The following TASP1 variants were observed in gnomAD, a reference collection of about 807,000 sequenced individuals.
The protein encoded by TASP1 is taspase 1.
Under a neutral mutation model 56.6 loss-of-function variants are expected in TASP1, and 16 were observed. The observed-to-expected ratio is 0.28, with a 90% CI of 0.19 to 0.43. TASP1 has a LOEUF of 0.43. TASP1 is among the 20% of genes least tolerant of loss of function. TASP1 has a pLI of 1.00. For synonymous variants in TASP1, 179 were observed against 184.2 expected (o/e 0.97, Z 0.23); for missense variants, 393 against 511.6 (o/e 0.77, Z 2.24).
At chr20:13,591,876 A>T (rs1378664832) in intron 4 of TASP1, among the ~76,000 whole-genome samples, 2 of 152,180 alleles carry the variant, frequency 1.3e-5, no homozygotes, top group African/African-American at 4.8e-5. Context: ...TAATATTAAT[A>T]TAATTTGAAA....
At chr20:13,266,282 G>A in the TASP1 span, among the ~76,000 whole-genome samples, 3 of 152,200 alleles carry the variant, frequency 2.0e-5, no homozygotes, top group Non-Finnish European at 2.9e-5. Context: ...ATGCTAGGCT[G>A]TAAGAAGAGG....
chr20:13,221,655 T>TGGCGGGAGCCGA, the TASP1 span: 45 of 834,078 alleles, frequency 5.4e-5, no homozygotes, highest in African/African-American at 1.5e-4. Flanking sequence ...AGCGGAGCCC[T>TGGCGGGAGCCGA]GGCGGGAGCC....
chr20:13,427,808 A>C (rs2042669537), intron 12 of TASP1, among the ~76,000 whole-genome samples: 1 of 152,160 alleles, frequency 6.6e-6, no homozygotes, highest in Non-Finnish European at 1.5e-5. Context: ...GTAAAAGATG[A>C]AAAAAAGGAT....
intron 10 of TASP1, among the ~76,000 whole-genome samples, chr20:13,521,318 T>C (rs1201044078): frequency 6.6e-6 from 1 of 152,174 alleles, no homozygotes; most frequent in Non-Finnish European, 1.5e-5. Flanking sequence ...TAAAGACACA[T>C]GCACACGTAT....
chr20:13,348,169 AT>A, the TASP1 span, among the ~76,000 whole-genome samples: 1 of 152,230 alleles, frequency 6.6e-6, no homozygotes, highest in Non-Finnish European at 1.5e-5. Context: ...GGTAATGACA[AT>A]GTTGGGAAAC....
chr20:13,221,532 T>C, the TASP1 span, among the ~76,000 whole-genome samples: 3 of 141,336 alleles, frequency 2.1e-5, no homozygotes, highest in African/African-American at 7.6e-5. Flanking sequence ...ACCCCCGGCC[T>C]CGCGGTGGCT....
intron 6 of TASP1, among the ~76,000 whole-genome samples, chr20:13,570,240 T>C (rs1212831399): frequency 6.6e-6 from 1 of 152,102 alleles, no homozygotes; most frequent in Non-Finnish European, 1.5e-5. Context: ...AGATTTCAAA[T>C]AGCATGTAGG....
At chr20:13,568,695 C>T (rs1417926427) in intron 7 of TASP1, among the ~76,000 whole-genome samples, 1 of 152,076 alleles carries the variant, frequency 6.6e-6, no homozygotes, top group Non-Finnish European at 1.5e-5. Flanking sequence ...CTCACTTGAG[C>T]ACCCTTCTAC....
intron 11 of TASP1, among the ~76,000 whole-genome samples, chr20:13,448,147 G>C (rs182252924): frequency 2.0e-5 from 3 of 152,042 alleles, no homozygotes; most frequent in African/African-American, 7.2e-5. Context: ...ACTTAATTTT[G>C]GTATAAAGAC....
intron 4 of TASP1, chr20:13,614,912 A>C: frequency 2.3e-6 from 1 of 436,808 alleles, no homozygotes; most frequent in Non-Finnish European, 4.7e-6. Flanking sequence ...CTGTTTCTCC[A>C]GTACTACCAA....
chr20:13,506,329 A>G (rs944551806), intron 10 of TASP1, among the ~76,000 whole-genome samples: 1 of 152,192 alleles, frequency 6.6e-6, no homozygotes, highest in Admixed American at 6.5e-5. Context: ...TAAAGAACTA[A>G]TAACAATCCT....
the TASP1 span, among the ~76,000 whole-genome samples, chr20:13,318,314 A>G: frequency 6.6e-6 from 1 of 152,160 alleles, no homozygotes; most frequent in Non-Finnish European, 1.5e-5. Flanking sequence ...AATCCAAAAC[A>G]TTGACAACAT....
chr20:13,248,166 C>A, the TASP1 span, among the ~76,000 whole-genome samples: 2 of 152,212 alleles, frequency 1.3e-5, no homozygotes, highest in African/African-American at 4.8e-5. Context: ...TAGTACATTT[C>A]TTTGTGTGCA....
the TASP1 span, among the ~76,000 whole-genome samples, chr20:13,123,487 G>T: frequency 6.6e-6 from 1 of 152,114 alleles, no homozygotes; most frequent in Non-Finnish European, 1.5e-5. Flanking sequence ...GCCAACTAAG[G>T]CACAGAGAGA....
the TASP1 span, among the ~76,000 whole-genome samples, chr20:13,313,266 G>A: frequency 6.6e-6 from 1 of 152,220 alleles, no homozygotes; most frequent in Admixed American, 6.5e-5. Flanking sequence ...CACCTGTTAA[G>A]TTTAGCCTAA....
At chr20:13,185,305 C>G in the TASP1 span, among the ~76,000 whole-genome samples, 1 of 151,932 alleles carries the variant, frequency 6.6e-6, no homozygotes, top group East Asian at 1.9e-4. Context: ...ATCACTAAAC[C>G]CCACTCCAAT....
At chr20:13,105,535 T>C in the TASP1 span, among the ~76,000 whole-genome samples, 1 of 152,232 alleles carries the variant, frequency 6.6e-6, no homozygotes, top group East Asian at 1.9e-4. Flanking sequence ...GGACTCGTGG[T>C]GTTCATTTTA....
At chr20:13,362,367 A>C in the TASP1 span, among the ~76,000 whole-genome samples, 75 of 152,050 alleles carry the variant, frequency 4.9e-4, no homozygotes, top group African/African-American at 1.6e-3. Context: ...TAACTGATGA[A>C]ATTCCACAAC....
At chr20:13,219,525 G>A in the TASP1 span, among the ~76,000 whole-genome samples, 1 of 150,868 alleles carries the variant, frequency 6.6e-6, no homozygotes, top group African/African-American at 2.4e-5. Flanking sequence ...ATGTCTGACA[G>A]GCCCGGCTGC....
Sources: gnomAD v4.1 joint callset for allele counts (sites outside exome capture counted in the v4.1 genomes callset) on GRCh38, gnomAD v4.1.1 for gene constraint, MANE v1.5 for transcripts, NCBI Gene and HGNC (gene_info 2026-07-23, HGNC 2026-07-21) for gene names.